The following OR1F1 variants were observed in gnomAD, a reference collection of about 807,000 sequenced individuals.
The protein encoded by OR1F1 is olfactory receptor 1F1.
For missense variants in OR1F1, 493 were observed against 376.3 expected, an observed-to-expected ratio of 1.31 and a Z score of -2.57; for synonymous variants, 184 against 156.7, an observed-to-expected ratio of 1.17 and a Z score of -1.30.
chr16:3,204,948 G>A (rs1567207356), exon 1 of OR1F1: 2 of 1,614,104 alleles, frequency 1.2e-6, no homozygotes, highest in Non-Finnish European at 1.7e-6. Flanking sequence ...CAAAGGGAAG[G>A]TGGAAAGCCT....
upstream of OR1F1, among the ~76,000 whole-genome samples, chr16:3,204,039 T>C (rs1958168968): frequency 1.3e-5 from 2 of 152,136 alleles, no homozygotes; most frequent in South Asian, 4.1e-4. Context: ...GGGTGCTCCG[T>C]GGATATAGCC....
the OR1F1 span, among the ~76,000 whole-genome samples, chr16:3,192,691 C>T: frequency 0.075 from 11,356 of 152,154 alleles, 605 homozygotes; most frequent in Non-Finnish European, 0.11. Flanking sequence ...TGCTTCCTCT[C>T]GCGCCGAGCC....
upstream of OR1F1, among the ~76,000 whole-genome samples, chr16:3,200,489 C>T (rs1958124304): frequency 1.3e-5 from 2 of 152,152 alleles, no homozygotes; most frequent in African/African-American, 4.8e-5. Flanking sequence ...TGCCTGTAAT[C>T]CCAACTACTC....
chr16:3,198,847 G>A, the OR1F1 span, among the ~76,000 whole-genome samples: 13 of 151,980 alleles, frequency 8.6e-5, no homozygotes, highest in African/African-American at 2.9e-4. Context: ...AATTAGCTGG[G>A]CTTGGAGGCT....
At chr16:3,202,708 C>T (rs1402241321), upstream of OR1F1, among the ~76,000 whole-genome samples, 3 of 141,574 alleles carry the variant, frequency 2.1e-5, no homozygotes, top group African/African-American at 2.7e-5. Context: ...ATAATAATAA[C>T]AATTTAATAT....
upstream of OR1F1, among the ~76,000 whole-genome samples, chr16:3,201,004 C>A (rs778885295): frequency 6.6e-6 from 1 of 152,204 alleles, no homozygotes; most frequent in African/African-American, 2.4e-5. Context: ...CTGTTAATAA[C>A]CTTTAATCTA....
the OR1F1 span, among the ~76,000 whole-genome samples, chr16:3,199,026 C>T: frequency 6.7e-6 from 1 of 148,178 alleles, no homozygotes; most frequent in Non-Finnish European, 1.5e-5. Flanking sequence ...CGCCTATAAT[C>T]CCAGCACTTT....
At chr16:3,205,785 G>C (rs2141595953), downstream of OR1F1, among the ~76,000 whole-genome samples, 1 of 152,124 alleles carries the variant, frequency 6.6e-6, no homozygotes, top group African/African-American at 2.4e-5. Context: ...TCTTAATCCT[G>C]TTATCTTCGT....
chr16:3,206,514 C>T (rs959303120), downstream of OR1F1, among the ~76,000 whole-genome samples: 9 of 152,116 alleles, frequency 5.9e-5, no homozygotes, highest in African/African-American at 2.2e-4. Flanking sequence ...TCAGGTGGGT[C>T]CTACCAATAT....
exon 1 of OR1F1, chr16:3,205,089 G>A: frequency 6.2e-7 from 1 of 1,613,950 alleles, no homozygotes; most frequent in Non-Finnish European, 8.5e-7. Context: ...ATACAGTAGT[G>A]ACTCCCATGC....
At chr16:3,193,743 G>A in the OR1F1 span, among the ~76,000 whole-genome samples, 4 of 152,126 alleles carry the variant, frequency 2.6e-5, no homozygotes, top group Non-Finnish European at 4.4e-5. Context: ...GACTACAGGC[G>A]AGCGCAACCA....
chr16:3,192,110 G>A, the OR1F1 span, among the ~76,000 whole-genome samples: 7 of 152,310 alleles, frequency 4.6e-5, no homozygotes, highest in South Asian at 1.5e-3. Context: ...AGGCTGGAGT[G>A]CAGTGGCGCT....
chr16:3,191,944 G>A, the OR1F1 span, among the ~76,000 whole-genome samples: 1 of 152,182 alleles, frequency 6.6e-6, no homozygotes, highest in Non-Finnish European at 1.5e-5. Flanking sequence ...ATCGCTCCAA[G>A]TACTCCACGG....
the OR1F1 span, among the ~76,000 whole-genome samples, chr16:3,193,263 G>T: frequency 1.8e-4 from 27 of 152,326 alleles, no homozygotes; most frequent in African/African-American, 6.5e-4. Flanking sequence ...ACCCCAGGAG[G>T]ACCTGACCTT....
chr16:3,188,869 G>C, the OR1F1 span, among the ~76,000 whole-genome samples: 1 of 152,318 alleles, frequency 6.6e-6, no homozygotes, highest in East Asian at 1.9e-4. Flanking sequence ...CACGTCCTGG[G>C]GACTGGAGGT....
At chr16:3,205,072 G>C in exon 1 of OR1F1, 4 of 1,614,062 alleles carry the variant, frequency 2.5e-6, no homozygotes, top group South Asian at 1.1e-5. Context: ...TATGGCTACT[G>C]TGTTGTATAC....
upstream of OR1F1, chr16:3,204,176 C>A: frequency 8.2e-7 from 1 of 1,217,808 alleles, no homozygotes; most frequent in Non-Finnish European, 1.1e-6. Context: ...TGTGCCCCAT[C>A]TTAACCAGCA....
chr16:3,193,656 G>A, the OR1F1 span, among the ~76,000 whole-genome samples: 3 of 152,126 alleles, frequency 2.0e-5, no homozygotes, highest in African/African-American at 7.2e-5. Context: ...GGAGTGCAGT[G>A]GCGCCATCTC....
chr16:3,192,779 G>C, the OR1F1 span, among the ~76,000 whole-genome samples: 1 of 151,396 alleles, frequency 6.6e-6, no homozygotes, highest in Non-Finnish European at 1.5e-5. Context: ...GAGTCGCGGC[G>C]CTCGGCCCTG....
Sources: allele counts gnomAD v4.1 joint callset (sites outside exome capture counted in the v4.1 genomes callset), GRCh38; gene constraint gnomAD v4.1.1; transcripts MANE v1.5; gene names NCBI Gene and HGNC (gene_info 2026-07-23, HGNC 2026-07-21).